Variants in ZBTB39 observed in about 807,000 individuals in gnomAD.
The protein encoded by ZBTB39 is zinc finger and BTB domain-containing protein 39.
Under a neutral mutation model 39.4 loss-of-function variants are expected in ZBTB39, and 25 were observed. That is an observed-to-expected ratio of 0.63 (90% CI 0.46 to 0.89). ZBTB39 has a LOEUF of 0.89. Among genes scored for constraint, ZBTB39 ranks in the 40% least tolerant of loss-of-function variants. The pLI is 0.00. For missense variants in ZBTB39, 891 were observed against 909.7 expected (o/e 0.98, Z 0.26); for synonymous variants, 373 against 359.6 (o/e 1.04, Z -0.42).
At chr12:57,005,330 T>A (rs760794912) in intron 1 of ZBTB39, among the ~76,000 whole-genome samples, 8 of 152,252 alleles carry the variant, frequency 5.3e-5, no homozygotes, top group Non-Finnish European at 4.4e-5. Flanking sequence ...TTGAGCATAT[T>A]CTTTTCCCTC....
chr12:57,003,738 G>T lies in ZBTB39; in HGVS notation c.1180C>A (p.His394Asn). 1 of 1,614,178 alleles carries T rather than the reference G, an allele frequency of 6.2e-7. No individual in the cohort carries two copies. The highest frequency in any genetic ancestry group is 8.5e-7 in the Non-Finnish European group (1 of 1,180,040). The change falls in exon 2 of 2, where the codon CAC (histidine) becomes AAC (asparagine). Residue 394 changes from histidine (H) to asparagine (N), a missense_variant. Physicochemically the swap from His to Asn is moderately conservative, Grantham distance 68. Transcript: ENST00000300101. The surrounding 1 kb of genome is among the most constrained non-coding windows in gnomAD (Gnocchi z 4.8). ...RNSRVTHVLSHIGIFLFSCDM... is the reference protein window; with the variant it reads ...RNSRVTHVLSNIGIFLFSCDM... ...CAGGAGAAAAGGAAAATACCAATGT[G>T]GGACAGGACATGAGTTACCCGGGAG...
chr12:57,005,611 C>A (rs2136411330), intron 1 of ZBTB39, among the ~76,000 whole-genome samples: 1 of 152,288 alleles, frequency 6.6e-6, no homozygotes, highest in South Asian at 2.1e-4. Flanking sequence ...ACTCAGAATG[C>A]ACAGTAAGAA....
At position 57,004,342 on chromosome 12, in the gene ZBTB39, G is replaced by A. The variant is rs758763815; in HGVS notation, c.576C>T (p.Asp192=). 49 of 1,614,058 alleles carry A rather than the reference G, an allele frequency of 3.0e-5. No individual in the cohort carries two copies. The Middle Eastern group carries it at 2.1e-3, about 70-fold the overall frequency. The change falls in exon 2 of 2, where the codon GAC becomes GAT. Residue 192 remains aspartate (D), a synonymous_variant. Coordinates refer to ENST00000300101, the MANE Select transcript of ZBTB39 (RefSeq NM_014830.3). ...GCGGCAGATGCAGGCTATGGTTAGCGTCACTGGCAACATTCTTCTCTTCCT... is the reference window on the plus strand; with the variant it reads ...GCGGCAGATGCAGGCTATGGTTAGCATCACTGGCAACATTCTTCTCTTCCT... ...YKEEEKNVAS[D]ANHSLHLPQP...
rs1956218990 is a variant in ZBTB39 at position 57,003,001 on chromosome 12, G to A, written c.1917C>T (p.His639=). 1.2e-6 allele frequency: 2 copies of A among 1,614,256 alleles called. No homozygotes were observed. Among genetic ancestry groups the A allele is most frequent in the Non-Finnish European group, 1.7e-6 (2 of 1,180,044 alleles). Residue 639 remains histidine (H), a synonymous_variant, in exon 2 of 2, where the codon CAC becomes CAT. Transcript: ENST00000300101. This position sits in a 1 kb window ranked among gnomAD's most constrained non-coding sequence, Gnocchi z 4.8. ...GEKPYQCKVC[H]KFFRGRSTIK... is the part of the protein sequence containing the mutation. ...TGGTCGAGCGGCCTCGAAAGAACTT[G>A]TGGCACACCTTACATTGGTATGGCT...
chr12:56,999,041 T>G lies in ZBTB39; in HGVS notation c.*3738A>C, dbSNP rs1956194788. On this transcript the variant is annotated 3_prime_UTR_variant, in exon 2 of 2. Coordinates refer to ENST00000300101, the MANE Select transcript of ZBTB39 (RefSeq NM_014830.3). ...TTAATTTAATGGAAGGAGTTAGACGTCAACAACTCTTCTCTGTTTCATAAG... is the reference window on the plus strand; with the variant it reads ...TTAATTTAATGGAAGGAGTTAGACGGCAACAACTCTTCTCTGTTTCATAAG... 6.6e-6 allele frequency: 1 copy of G among 152,612 alleles called. No homozygotes were observed. Among genetic ancestry groups the G allele is most frequent in the African/African-American group, 2.4e-5 (1 of 41,438 alleles). 9.5% of individuals were successfully genotyped at this position (152,612 alleles called of 1,614,324 possible).
rs1035913702 is a variant in ZBTB39 at position 57,006,542 on chromosome 12, G to T, written c.-182C>A. On this transcript the variant is annotated 5_prime_UTR_variant, in exon 1 of 2. Transcript: ENST00000300101. ...CATCCGCCGCGCGGCTCGCCGCGACGGCCCGGGCCGCCCCCGCCGCCCGGC... is the reference window on the plus strand; with the variant it reads ...CATCCGCCGCGCGGCTCGCCGCGACTGCCCGGGCCGCCCCCGCCGCCCGGC... The T allele has an allele frequency of 6.9e-6, 1 of 145,088 alleles. No individual in the cohort carries two copies. The highest frequency in any genetic ancestry group is 2.5e-5 in the African/African-American group (1 of 40,474). The allele number at this position is 145,088 out of a possible 1,614,324, so 9.0% of individuals were successfully genotyped here. A position where few individuals can be genotyped will look rare whatever the true frequency, so the allele number is the denominator to read the frequency against.
At position 56,999,158 on chromosome 12, in the gene ZBTB39, G is replaced by C. The variant is rs58230480; in HGVS notation, c.*3621C>G. ...CAAAATCGAGTTTCATTTTCATTCT[G>C]ATGTTAAGCTTATGATGCATAACCA... On this transcript the variant is annotated 3_prime_UTR_variant, in exon 2 of 2. Transcript: ENST00000300101. 462 of 152,376 alleles carry C rather than the reference G, an allele frequency of 3.0e-3. 2 individuals carry two copies. The highest frequency in any genetic ancestry group is 0.011 in the African/African-American group (439 of 41,554). 9.4% of individuals were successfully genotyped at this position (152,376 alleles called of 1,614,324 possible). A position where few individuals can be genotyped will look rare whatever the true frequency, so the allele number is the denominator to read the frequency against.
chr12:57,005,014 G>A (rs1387199258), intron 1 of ZBTB39, 53 bp from the exon 2 acceptor site: 20 of 1,322,584 alleles, frequency 1.5e-5, no homozygotes, highest in Non-Finnish European at 2.1e-5. Flanking sequence ...GTGCAAAAGA[G>A]GGGCTATGCA....
Position 57,002,446 on chromosome 12 carries a change from C to T in ZBTB39, c.*333G>A, listed in dbSNP as rs1956214948. ...TGGTTGGATTCTTAGCAGCATAAAACCTATCAGTAAACTAAAACTAGAGAG... is the reference window on the plus strand; with the variant it reads ...TGGTTGGATTCTTAGCAGCATAAAATCTATCAGTAAACTAAAACTAGAGAG... On this transcript the variant is annotated 3_prime_UTR_variant, in exon 2 of 2. Transcript: ENST00000300101. The T allele has an allele frequency of 6.6e-6, 2 of 302,288 alleles. No individual in the cohort carries two copies. Among genetic ancestry groups the T allele is most frequent in the South Asian group, 6.0e-5 (1 of 16,536 alleles). 18.7% of individuals were successfully genotyped at this position (302,288 alleles called of 1,614,324 possible).
intron 1 of ZBTB39, among the ~76,000 whole-genome samples, chr12:57,005,786 C>G (rs1292477037): frequency 6.6e-6 from 1 of 152,186 alleles, no homozygotes; most frequent in African/African-American, 2.4e-5. Flanking sequence ...GAGGCTTGTT[C>G]ACTACCACTT....
At position 57,002,676 on chromosome 12, in the gene ZBTB39, C is replaced by T; in HGVS notation, c.*103G>A. 1.7e-6 allele frequency: 2 copies of T among 1,175,034 alleles called. No individual in the cohort carries two copies. The highest frequency in any genetic ancestry group is 2.4e-6 in the Non-Finnish European group (2 of 825,350). 72.8% of individuals were successfully genotyped at this position (1,175,034 alleles called of 1,614,324 possible). On this transcript the variant is annotated 3_prime_UTR_variant, in exon 2 of 2. Transcript: ENST00000300101. ...AACACAACACAGAACAGAATTCCTA[C>T]CAAGGCAAAATTATAACTTCAGCTG...
chr12:57,002,813 T>C lies in ZBTB39; in HGVS notation c.2105A>G (p.His702Arg), dbSNP rs542441416. The C allele has an allele frequency of 4.2e-5, 68 of 1,614,154 alleles. No individual in the cohort carries two copies. The highest frequency in any genetic ancestry group is 5.6e-5 in the Non-Finnish European group (66 of 1,180,020). ...CGGGTTCTTATCCGCCTCTTTGGAA[T>C]GGATGATGTACATGAAGGTCTGCTC... The part of the protein sequence containing the change: ...TIEQTFMYII[H>R]SKEADKNPDS The change falls in exon 2 of 2, where the codon CAT becomes CGT. Residue 702 changes from histidine to arginine, a missense_variant. Transcript: ENST00000300101.
In ZBTB39 at chr12:57,003,223, G is replaced by C. The variant is rs200220029; in HGVS notation, c.1695C>G (p.Gly565=). Residue 565 remains glycine, a synonymous_variant, in exon 2 of 2, where the codon GGC becomes GGG. Coordinates refer to ENST00000300101, the MANE Select transcript of ZBTB39 (RefSeq NM_014830.3). This position sits in a 1 kb window ranked among gnomAD's most constrained non-coding sequence, Gnocchi z 4.8. ...YHVSQHKCNS[G]LDARPGFGLQ... ...GCCCAAAACCAGGCCGTGCATCAAG[G>C]CCACTGTTGCATTTGTGCTGGCTGA... 6.2e-7 allele frequency: 1 copy of C among 1,614,210 alleles called. No individual in the cohort carries two copies. Among genetic ancestry groups the C allele is most frequent in the Admixed American group, 1.7e-5 (1 of 60,030 alleles).
chr12:57,006,307 A>C (rs1956245217), intron 1 of ZBTB39, 98 bp downstream of exon 1: 1 of 152,030 alleles, frequency 6.6e-6, no homozygotes, highest in Non-Finnish European at 1.5e-5. Flanking sequence ...GGTCCGGCCG[A>C]AGGGAGCGGG....
At position 57,004,825 on chromosome 12, in the gene ZBTB39, G is replaced by T. The variant is rs375741164; in HGVS notation, c.93C>A (p.Asp31Glu). The T allele has an allele frequency of 6.2e-7, 1 of 1,614,148 alleles. No individual in the cohort carries two copies. Among genetic ancestry groups the T allele is most frequent in the Non-Finnish European group, 8.5e-7 (1 of 1,179,980 alleles). ...NKCRLSETMC[D>E]VTIVVGSRSF... ...AGCGGCTCCCCACCACAATGGTGAC[G>T]TCGCACATGGTCTCTGAGAGCCGGC... The change falls in exon 2 of 2, where the codon GAC becomes GAA. Residue 31 changes from aspartate (D) to glutamate (E), a missense_variant. Coordinates refer to ENST00000300101, the MANE Select transcript of ZBTB39 (RefSeq NM_014830.3).
rs1956201169 is a variant in ZBTB39, at chr12:57,000,058, C to T, written c.*2721G>A. On this transcript the variant is annotated 3_prime_UTR_variant, in exon 2 of 2. Transcript: ENST00000300101. ...AAATGAATACCTTCTACCAGGTATC[C>T]CAGGGTGCCCTCTGCCACAATATAG... 1 of 152,094 alleles carries T rather than the reference C, an allele frequency of 6.6e-6. No homozygotes were observed. Among genetic ancestry groups the T allele is most frequent in the Non-Finnish European group, 1.5e-5 (1 of 67,984 alleles). The allele number at this position is 152,094 out of a possible 1,614,324, so 9.4% of individuals were successfully genotyped here.
Position 57,004,175 on chromosome 12 carries a change from T to G in ZBTB39, c.743A>C (p.Lys248Thr), listed in dbSNP as rs1956230772. 1 of 1,614,140 alleles carries G rather than the reference T, an allele frequency of 6.2e-7. No individual in the cohort carries two copies. Among genetic ancestry groups the G allele is most frequent in the African/African-American group, 1.3e-5 (1 of 75,010 alleles). The change falls in exon 2 of 2, where the codon AAA becomes ACA. Residue 248 changes from lysine to threonine, a missense_variant. Coordinates refer to ENST00000300101, the MANE Select transcript of ZBTB39 (RefSeq NM_014830.3). ...QTSTSSCQPY[K>T]VQSNGDFSKN... ...ACTGAAGTCTCCATTGCTTTGAACT[T>G]TGTATGGCTGGCAGGAGCTCGTGCT...
In ZBTB39 at chr12:57,002,839, G is replaced by A. The variant is rs1166028475; in HGVS notation, c.2079C>T (p.Ile693=). 1.2e-5 allele frequency: 19 copies of A among 1,614,124 alleles called. 1 individual carries two copies. In the South Asian group the frequency reaches 1.8e-4, roughly 15 times the overall value. Residue 693 remains isoleucine, a synonymous_variant, in exon 2 of 2, where the codon ATC becomes ATT. Transcript: ENST00000300101. ...GGATGATGTACATGAAGGTCTGCTCGATGGTGAAGTCAGGGGGGAGGCTGC... is the reference window on the plus strand; with the variant it reads ...GGATGATGTACATGAAGGTCTGCTCAATGGTGAAGTCAGGGGGGAGGCTGC... ...HKGSLPPDFT[I]EQTFMYIIHS... is the part of the protein sequence containing the mutation.
rs376154391 is a variant in ZBTB39 at position 57,002,980 on chromosome 12, C to T, written c.1938G>A (p.Ser646=). 10 of 1,614,218 alleles carry T rather than the reference C, an allele frequency of 6.2e-6. No homozygotes were observed. Among genetic ancestry groups the T allele is most frequent in the Middle Eastern group, 1.6e-4 (1 of 6,062 alleles). Residue 646 remains serine (S), a synonymous_variant, in exon 2 of 2, where the codon TCG becomes TCA. Transcript: ENST00000300101. ...KVCHKFFRGR[S]TIKCHLKTHS... The stretch of plus-strand genomic sequence containing the variant: ...GTGTCTTTAGGTGGCACTTGATGGT[C>T]GAGCGGCCTCGAAAGAACTTGTGGC...
Sources: allele counts gnomAD v4.1 joint callset (sites outside exome capture counted in the v4.1 genomes callset), GRCh38; gene constraint gnomAD v4.1.1; non-coding constraint Gnocchi (gnomAD v3.1); transcripts MANE v1.5; gene names NCBI Gene and HGNC (gene_info 2026-07-23, HGNC 2026-07-21).